ATOX1: variants seen among roughly 807,000 people sequenced by gnomAD.
ATOX1 encodes the protein antioxidant 1 copper chaperone.
In ATOX1, 4 loss-of-function variants were observed where a neutral mutation model predicts 7.3. The ratio of observed to expected loss-of-function variants is 0.55; its 90% confidence interval spans 0.27 to 1.25. The LOEUF is 1.25. Among genes scored for constraint, ATOX1 ranks in the 50% most tolerant of loss-of-function variants. The probability of loss-of-function intolerance (pLI) is 0.12; values close to 1 mark genes in which losing one functional copy is unlikely to be tolerated. For synonymous variants in ATOX1, 25 were observed against 28.7 expected (o/e 0.87, Z 0.41); for missense variants, 68 against 81.6 (o/e 0.83, Z 0.64).
chr5:151,749,116 C>T (rs1581556675), intron 2 of ATOX1, among the ~76,000 whole-genome samples: 2 of 152,014 alleles, frequency 1.3e-5, no homozygotes, highest in Admixed American at 6.6e-5. Flanking sequence ...AGCTGTCAAA[C>T]GAAATTAGGC....
intron 2 of ATOX1, among the ~76,000 whole-genome samples, chr5:151,748,250 T>C (rs1487854746): frequency 6.6e-6 from 1 of 152,192 alleles, no homozygotes; most frequent in Non-Finnish European, 1.5e-5. Context: ...TGATAGGTTC[T>C]AGGCCTGGCC....
intron 1 of ATOX1, among the ~76,000 whole-genome samples, chr5:151,758,247 A>G (rs2113190250): frequency 6.6e-6 from 1 of 152,026 alleles, no homozygotes; most frequent in East Asian, 1.9e-4. Flanking sequence ...CAACTCCCCC[A>G]TCCCCTGCCC....
At chr5:151,755,196 G>T (rs963171764) in intron 1 of ATOX1, among the ~76,000 whole-genome samples, 2 of 152,172 alleles carry the variant, frequency 1.3e-5, no homozygotes, top group East Asian at 3.9e-4. Context: ...TCTATGGTTT[G>T]TACTTATATA....
At chr5:151,746,148 A>T in intron 3 of ATOX1, 131 bp downstream of exon 3, 3 of 739,816 alleles carry the variant, frequency 4.1e-6, no homozygotes, top group Non-Finnish European at 6.3e-6. Flanking sequence ...ACTCCAAAGA[A>T]GGTGGACAGT....
intron 1 of ATOX1, among the ~76,000 whole-genome samples, chr5:151,755,807 A>C (rs1329161537): frequency 2.0e-5 from 3 of 152,136 alleles, no homozygotes; most frequent in Non-Finnish European, 2.9e-5. Flanking sequence ...TGGCTCTACC[A>C]CCAGATGCAT....
chr5:151,749,864 A>G (rs1168913092), intron 2 of ATOX1, among the ~76,000 whole-genome samples: 1 of 152,148 alleles, frequency 6.6e-6, no homozygotes. Flanking sequence ...ACAGGGCTAG[A>G]GGCCAGCCAC....
Position 151,751,768 on chromosome 5 carries a change from G to A in ATOX1, c.18C>T (p.Phe6=). MPKHE[F]SVDMTCGGCA... ...AGCCTCCACAGGTCATGTCCACAGA[G>A]AACTCGTGCTTCTGAAACAAACACA... Residue 6 remains phenylalanine, a synonymous_variant, in exon 2 of 4, where the codon TTC becomes TTT. Coordinates refer to ENST00000313115, the MANE Select transcript of ATOX1 (RefSeq NM_004045.4). 1 of 1,607,736 alleles carries A rather than the reference G, an allele frequency of 6.2e-7. No individual in the cohort carries two copies. The highest frequency in any genetic ancestry group is 8.5e-7 in the Non-Finnish European group (1 of 1,177,282).
chr5:151,756,658 G>A (rs1015172163), intron 1 of ATOX1, among the ~76,000 whole-genome samples: 1 of 151,932 alleles, frequency 6.6e-6, no homozygotes, highest in East Asian at 1.9e-4. Context: ...ATTTTTTGTA[G>A]AGCCAGGGTT....
At chr5:151,744,625 A>C (rs1761859612) in intron 3 of ATOX1, 1 of 152,166 alleles carries the variant, frequency 6.6e-6, no homozygotes, top group South Asian at 2.1e-4. Flanking sequence ...TAGTTCAGGA[A>C]GAGTATTTTT....
intron 1 of ATOX1, among the ~76,000 whole-genome samples, chr5:151,756,679 G>A (rs1398798332): frequency 2.0e-5 from 3 of 151,916 alleles, no homozygotes; most frequent in Non-Finnish European, 4.4e-5. Context: ...TCATCATGTT[G>A]CCAAAGTTGG....
intron 2 of ATOX1, among the ~76,000 whole-genome samples, chr5:151,747,126 G>A (rs1761887899): frequency 6.7e-6 from 1 of 150,282 alleles, no homozygotes; most frequent in Non-Finnish European, 1.5e-5. Context: ...AAGCAGTAAG[G>A]CCCCCTACTG....
intron 2 of ATOX1, among the ~76,000 whole-genome samples, chr5:151,751,343 C>T (rs1761946648): frequency 1.3e-5 from 2 of 150,344 alleles, no homozygotes; most frequent in Non-Finnish European, 3.0e-5. Context: ...AACATATGAA[C>T]TAGTACTGCC....
intron 2 of ATOX1, among the ~76,000 whole-genome samples, chr5:151,748,187 G>A (rs1428380189): frequency 1.3e-5 from 2 of 152,194 alleles, no homozygotes; most frequent in East Asian, 3.8e-4. Context: ...CAGCACATGG[G>A]AGGACCCAGA....
intron 3 of ATOX1, chr5:151,744,780 G>A (rs370122808): frequency 3.0e-4 from 45 of 152,296 alleles, no homozygotes; most frequent in African/African-American, 1.1e-3. Context: ...AAACCCTAGG[G>A]GTGGAGGAAT....
intron 1 of ATOX1, among the ~76,000 whole-genome samples, chr5:151,755,348 C>T (rs1248947079): frequency 6.6e-6 from 1 of 152,170 alleles, no homozygotes; most frequent in Non-Finnish European, 1.5e-5. Flanking sequence ...TCTTATTTCA[C>T]TCAGGAGGAA....
chr5:151,755,555 GT>G (rs1762004553), intron 1 of ATOX1, among the ~76,000 whole-genome samples: 1 of 152,170 alleles, frequency 6.6e-6, no homozygotes, highest in South Asian at 2.1e-4. Context: ...AGGGAGCACA[GT>G]TTTTTGCTGC....
chr5:151,751,435 A>G (rs528299519), intron 2 of ATOX1, among the ~76,000 whole-genome samples: 88 of 152,022 alleles, frequency 5.8e-4, no homozygotes, highest in Non-Finnish European at 1.0e-3. Flanking sequence ...GTGATCCCAG[A>G]TAAGTTATTT....
intron 2 of ATOX1, among the ~76,000 whole-genome samples, chr5:151,751,480 A>G (rs984960292): frequency 2.0e-5 from 3 of 152,146 alleles, no homozygotes; most frequent in African/African-American, 7.2e-5. Flanking sequence ...CCTGTTTAAC[A>G]TGGAGCTAGT....
chr5:151,749,425 C>T (rs1019699471), intron 2 of ATOX1, among the ~76,000 whole-genome samples: 1 of 149,818 alleles, frequency 6.7e-6, no homozygotes, highest in Non-Finnish European at 1.5e-5. Flanking sequence ...GTGGAGGTTG[C>T]GGTGGGCTGA....
Sources: allele counts gnomAD v4.1 joint callset (sites outside exome capture counted in the v4.1 genomes callset), GRCh38; gene constraint gnomAD v4.1.1; transcripts MANE v1.5; gene names NCBI Gene and HGNC (gene_info 2026-07-23, HGNC 2026-07-21).